The following SLC71A2 variants were observed in gnomAD, a reference collection of about 807,000 sequenced individuals.
The protein encoded by SLC71A2 is hippocampus abundant transcript-like 1.
At chr9:94,451,482 TG>T in the SLC71A2 span, 1 of 1,573,826 alleles carries the variant, frequency 6.4e-7, no homozygotes, top group Middle Eastern at 2.1e-4. Flanking sequence ...CTGTTAAAAT[TG>T]CAGCATTCAT....
chr9:94,378,035 C>T, the SLC71A2 span, among the ~76,000 whole-genome samples: 3 of 150,844 alleles, frequency 2.0e-5, no homozygotes, highest in South Asian at 2.1e-4. Flanking sequence ...ACCTGGGAGG[C>T]GGAGGTTGCA....
chr9:94,385,630 C>G, the SLC71A2 span, among the ~76,000 whole-genome samples: 1 of 152,138 alleles, frequency 6.6e-6, no homozygotes, highest in Non-Finnish European at 1.5e-5. Flanking sequence ...AGAGACCATT[C>G]TTTTATGGCA....
At chr9:94,456,578 T>A in the SLC71A2 span, among the ~76,000 whole-genome samples, 2 of 151,938 alleles carry the variant, frequency 1.3e-5, no homozygotes, top group South Asian at 4.2e-4. Context: ...GAAATAGAAC[T>A]ATTCATTTTC....
At chr9:94,385,186 C>T in the SLC71A2 span, among the ~76,000 whole-genome samples, 1 of 152,204 alleles carries the variant, frequency 6.6e-6, no homozygotes, top group African/African-American at 2.4e-5. Flanking sequence ...CCATAGGTTA[C>T]CTTTTAACTC....
At chr9:94,432,481 C>A in the SLC71A2 span, 1 of 153,186 alleles carries the variant, frequency 6.5e-6, no homozygotes, top group Non-Finnish European at 1.5e-5. Context: ...GCCTGGGCAA[C>A]AAGAACGAAA....
At chr9:94,455,409 G>T in the SLC71A2 span, among the ~76,000 whole-genome samples, 1 of 97,414 alleles carries the variant, frequency 1.0e-5, no homozygotes, top group Non-Finnish European at 2.0e-5. Flanking sequence ...GTAAAGACAA[G>T]GTCTCATGTT....
At chr9:94,455,961 G>C in the SLC71A2 span, among the ~76,000 whole-genome samples, 1 of 152,116 alleles carries the variant, frequency 6.6e-6, no homozygotes, top group African/African-American at 2.4e-5. Flanking sequence ...TCTAAAGATA[G>C]CAGTAGGGAG....
chr9:94,424,898 A>G, the SLC71A2 span, among the ~76,000 whole-genome samples: 6 of 146,886 alleles, frequency 4.1e-5, no homozygotes, highest in African/African-American at 1.5e-4. Flanking sequence ...TGCCACCACA[A>G]CTGGCTTTTT....
At chr9:94,415,987 G>T in the SLC71A2 span, among the ~76,000 whole-genome samples, 1 of 152,156 alleles carries the variant, frequency 6.6e-6, no homozygotes, top group East Asian at 1.9e-4. Flanking sequence ...ATAATTGTAG[G>T]AGTGTCTAAA....
the SLC71A2 span, chr9:94,460,378 G>A: frequency 6.6e-6 from 1 of 152,496 alleles, no homozygotes; most frequent in Non-Finnish European, 1.5e-5. Context: ...TCACACTCCT[G>A]CCTTAACTGC....
At chr9:94,416,574 G>T in the SLC71A2 span, among the ~76,000 whole-genome samples, 6 of 152,254 alleles carry the variant, frequency 3.9e-5, no homozygotes, top group East Asian at 1.2e-3. Context: ...ACAGTTTGAG[G>T]CCTGGTGCGG....
chr9:94,443,514 T>C, the SLC71A2 span, among the ~76,000 whole-genome samples: 1 of 148,878 alleles, frequency 6.7e-6, no homozygotes, highest in Non-Finnish European at 1.5e-5. Flanking sequence ...CGGCAATGAT[T>C]AGTCATGTTA....
At chr9:94,382,473 G>C in the SLC71A2 span, among the ~76,000 whole-genome samples, 1 of 152,018 alleles carries the variant, frequency 6.6e-6, no homozygotes, top group Non-Finnish European at 1.5e-5. Flanking sequence ...CAAGTCCCTC[G>C]TCAAATGATT....
chr9:94,456,420 C>A, the SLC71A2 span: 2 of 1,063,042 alleles, frequency 1.9e-6, no homozygotes, highest in African/African-American at 1.5e-5. Context: ...GAGTTCTCCC[C>A]ATCAACAGCA....
At chr9:94,453,243 G>A in the SLC71A2 span, among the ~76,000 whole-genome samples, 6 of 150,466 alleles carry the variant, frequency 4.0e-5, no homozygotes, top group Non-Finnish European at 7.4e-5. Context: ...TCTGCCTCTC[G>A]GGTTCAAGTG....
the SLC71A2 span, chr9:94,415,081 A>G: frequency 1.8e-6 from 2 of 1,124,728 alleles, no homozygotes; most frequent in Non-Finnish European, 2.6e-6. Flanking sequence ...ATTTTTACAC[A>G]TTTTTTTCTA....
the SLC71A2 span, among the ~76,000 whole-genome samples, chr9:94,379,283 A>G: frequency 6.8e-6 from 1 of 146,704 alleles, no homozygotes; most frequent in African/African-American, 2.5e-5. Context: ...ATGGGGTTGC[A>G]CCATGTTGGC....
chr9:94,389,059 G>A, the SLC71A2 span, among the ~76,000 whole-genome samples: 9 of 151,900 alleles, frequency 5.9e-5, no homozygotes, highest in East Asian at 7.8e-4. Context: ...GGCCTTAGAC[G>A]CCAGTCCTAG....
the SLC71A2 span, chr9:94,433,133 ACT>A: frequency 3.7e-6 from 1 of 272,578 alleles, no homozygotes; most frequent in African/African-American, 2.4e-5. Flanking sequence ...GCGCAGGGCC[ACT>A]GAGCAGCTTG....
Sources: gnomAD v4.1 joint callset for allele counts (sites outside exome capture counted in the v4.1 genomes callset) on GRCh38, gnomAD v4.1.1 for gene constraint, MANE v1.5 for transcripts, NCBI Gene and HGNC (gene_info 2026-07-23, HGNC 2026-07-21) for gene names.